The following DDX10 variants were observed in gnomAD, a reference collection of about 807,000 sequenced individuals.
The protein encoded by DDX10 is probable ATP-dependent RNA helicase DDX10.
A neutral mutation model predicts 104.3 loss-of-function variants in DDX10; 74 were observed. The ratio of observed to expected loss-of-function variants is 0.71; its 90% CI spans 0.59 to 0.86. The LOEUF is 0.86. DDX10 is among the 40% of genes least tolerant of loss of function. The probability of loss-of-function intolerance (pLI) is 0.00; values close to 1 mark genes in which losing one functional copy is unlikely to be tolerated. For synonymous variants in DDX10, 351 were observed against 353.4 expected, an observed-to-expected ratio of 0.99 and a Z score of 0.08; for missense variants, 952 against 1,040.0, an observed-to-expected ratio of 0.92 and a Z score of 1.16.
intron 10 of DDX10, among the ~76,000 whole-genome samples, chr11:108,712,911 A>G (rs1160304742): frequency 6.6e-6 from 1 of 151,612 alleles, no homozygotes; most frequent in Non-Finnish European, 1.5e-5. Flanking sequence ...TTTCTCTTTC[A>G]CTTTTGAAGG....
intron 16 of DDX10, among the ~76,000 whole-genome samples, chr11:108,882,761 G>A (rs1429884691): frequency 5.3e-5 from 8 of 152,156 alleles, no homozygotes; most frequent in Non-Finnish European, 1.2e-4. Context: ...ACAGAGAAGT[G>A]CGTTTCAGTA....
At chr11:108,739,477 G>A (rs2094322512) in intron 13 of DDX10, among the ~76,000 whole-genome samples, 1 of 152,096 alleles carries the variant, frequency 6.6e-6, no homozygotes, top group Non-Finnish European at 1.5e-5. Flanking sequence ...CCACTATACT[G>A]TATACTTTTA....
intron 16 of DDX10, among the ~76,000 whole-genome samples, chr11:108,913,157 C>G (rs1863701940): frequency 6.6e-6 from 1 of 152,108 alleles, no homozygotes. Flanking sequence ...TCAGGAGGTC[C>G]TGAGGACATG....
intron 13 of DDX10, chr11:108,767,266 G>A (rs1190174800): frequency 2.6e-5 from 4 of 152,174 alleles, no homozygotes; most frequent in African/African-American, 7.2e-5. Context: ...GTATAAAAGT[G>A]CATCTGTGCT....
chr11:108,750,928 T>C (rs1011046946), intron 13 of DDX10, among the ~76,000 whole-genome samples: 2 of 15,392 alleles, frequency 1.3e-4, no homozygotes, highest in Non-Finnish European at 2.4e-4. Context: ...CCTGGTTACT[T>C]TTTTTTTTTT....
chr11:108,736,552 G>T (rs1182758014), intron 13 of DDX10, among the ~76,000 whole-genome samples: 3 of 152,090 alleles, frequency 2.0e-5, no homozygotes, highest in Non-Finnish European at 4.4e-5. Context: ...GTTGTCAGTG[G>T]AATAGTATTA....
intron 13 of DDX10, among the ~76,000 whole-genome samples, chr11:108,740,302 A>C (rs572145985): frequency 6.6e-6 from 1 of 152,134 alleles, no homozygotes; most frequent in African/African-American, 2.4e-5. Flanking sequence ...TGTTGCTACA[A>C]AGGACATGAT....
rs1420384464 is a variant in DDX10, at chr11:108,778,615, G to A, written c.1965+55153G>A. On this transcript the variant is annotated intron_variant, in intron 13 of 17. Coordinates refer to ENST00000322536, the MANE Select transcript of DDX10 (RefSeq NM_004398.4). The stretch of plus-strand genomic sequence containing the variant: ...CCTAGAAGAAAACCTAGGCAATACT[G>A]TTCAGGCCATAGGCATGGGCAAGGA... 2.2e-4 allele frequency among the ~76,000 whole-genome samples: 33 copies of A among 152,198 alleles called. No individual in the cohort carries two copies. In the East Asian group the frequency reaches 4.6e-3, roughly 21 times the overall value.
chr11:108,707,964 T>G (rs2094278775), intron 10 of DDX10, among the ~76,000 whole-genome samples: 1 of 152,178 alleles, frequency 6.6e-6, no homozygotes, highest in East Asian at 1.9e-4. Context: ...TGTGAAGGTT[T>G]TTGTGTAGAC....
At chr11:108,743,417 A>T (rs931765091) in intron 13 of DDX10, among the ~76,000 whole-genome samples, 1 of 152,176 alleles carries the variant, frequency 6.6e-6, no homozygotes, top group Non-Finnish European at 1.5e-5. Context: ...CACTACTGAC[A>T]TCATACTGAA....
chr11:108,705,554 T>A (rs1316422566), intron 9 of DDX10, among the ~76,000 whole-genome samples: 1 of 152,184 alleles, frequency 6.6e-6, no homozygotes, highest in Admixed American at 6.5e-5. Context: ...TGTTTGTTTT[T>A]TCTAGTTAAC....
rs922493250 is a variant in DDX10, at chr11:108,747,364, A to G, written c.1965+23902A>G. 4.6e-5 allele frequency among the ~76,000 whole-genome samples: 7 copies of G among 152,120 alleles called. No homozygotes were observed. The South Asian group carries it at 8.3e-4, about 18-fold the overall frequency. ...GCTTCTATATTAAAAAGAATGAGACATTCAGTTTGGCTCAGTTGGCCAGAG... is the reference window on the plus strand; with the variant it reads ...GCTTCTATATTAAAAAGAATGAGACGTTCAGTTTGGCTCAGTTGGCCAGAG... On this transcript the variant is annotated intron_variant, in intron 13 of 17. Coordinates refer to ENST00000322536, the MANE Select transcript of DDX10 (RefSeq NM_004398.4).
chr11:108,885,515 G>T (rs1421695185), intron 16 of DDX10, among the ~76,000 whole-genome samples: 1 of 151,858 alleles, frequency 6.6e-6, no homozygotes. Context: ...CCGCCAGCAC[G>T]CCTGGTTAAT....
At chr11:108,682,632 T>C (rs2094237187) in intron 6 of DDX10, among the ~76,000 whole-genome samples, 1 of 152,188 alleles carries the variant, frequency 6.6e-6, no homozygotes, top group Non-Finnish European at 1.5e-5. Flanking sequence ...TGTGTCTTCA[T>C]TGTTAAGTAT....
chr11:108,699,464 T>G (rs1794911809), intron 9 of DDX10, among the ~76,000 whole-genome samples: 1 of 152,190 alleles, frequency 6.6e-6, no homozygotes, highest in Admixed American at 6.5e-5. Flanking sequence ...GTTTCCAGAT[T>G]CATTTCCTCC....
chr11:108,855,800 T>C (rs892106499), intron 16 of DDX10, among the ~76,000 whole-genome samples: 3 of 152,096 alleles, frequency 2.0e-5, no homozygotes, highest in African/African-American at 7.2e-5. Flanking sequence ...GCTGATGAAA[T>C]TGAACACTGA....
chr11:108,851,671 A>G (rs1862794622), intron 15 of DDX10, among the ~76,000 whole-genome samples: 1 of 149,260 alleles, frequency 6.7e-6, no homozygotes, highest in Non-Finnish European at 1.5e-5. Context: ...ATTAGAATGT[A>G]TCGCAAAAAG....
At chr11:108,925,382 G>A (rs1313062216) in intron 17 of DDX10, among the ~76,000 whole-genome samples, 1 of 152,172 alleles carries the variant, frequency 6.6e-6, no homozygotes, top group Non-Finnish European at 1.5e-5. Flanking sequence ...TTGTGAGCCT[G>A]TCATTTTTCA....
chr11:108,830,357 C>G (rs1462997052), intron 13 of DDX10, among the ~76,000 whole-genome samples: 2 of 152,140 alleles, frequency 1.3e-5, no homozygotes, highest in Non-Finnish European at 2.9e-5. Flanking sequence ...TGATTCTCAG[C>G]TTGGTCACTG....
Sources: gnomAD v4.1 joint callset for allele counts (sites outside exome capture counted in the v4.1 genomes callset) on GRCh38, gnomAD v4.1.1 for gene constraint, MANE v1.5 for transcripts, NCBI Gene and HGNC (gene_info 2026-07-23, HGNC 2026-07-21) for gene names.